The following RBM26 variants were observed in gnomAD, a reference collection of about 807,000 sequenced individuals.
RBM26 encodes RNA binding motif protein 26.
In RBM26, 30 loss-of-function variants were observed where a neutral mutation model predicts 123.6. The ratio of observed to expected loss-of-function variants is 0.24; its 90% CI spans 0.18 to 0.33. The LOEUF (loss-of-function observed/expected upper bound fraction) is 0.33. Among genes scored for constraint, RBM26 ranks in the 10% least tolerant of loss-of-function variants. The pLI is 1.00. For missense variants in RBM26, 947 were observed against 1,203.6 expected (o/e 0.79, Z 3.15); for synonymous variants, 400 against 404.4 (o/e 0.99, Z 0.13).
At chr13:79,398,971 A>T (rs966423536) in intron 1 of RBM26, among the ~76,000 whole-genome samples, 9 of 152,252 alleles carry the variant, frequency 5.9e-5, no homozygotes, top group African/African-American at 2.2e-4. Flanking sequence ...TATAATGAAC[A>T]GGAACATAGT....
intron 9 of RBM26, among the ~76,000 whole-genome samples, chr13:79,364,558 T>A (rs1420910374): frequency 1.3e-5 from 2 of 152,230 alleles, no homozygotes; most frequent in African/African-American, 4.8e-5. Flanking sequence ...TTTTCCATTA[T>A]GTCTGACAAT....
chr13:79,393,590 T>C (rs2078288455), intron 1 of RBM26, among the ~76,000 whole-genome samples: 1 of 152,192 alleles, frequency 6.6e-6, no homozygotes, highest in Non-Finnish European at 1.5e-5. Context: ...CACAGTACCA[T>C]CTTCGGCTGG....
rs375618341 is a variant in RBM26 at position 79,366,096 on chromosome 13, T to A, written c.1235A>T (p.His412Leu). 6.2e-7 allele frequency: 1 copy of A among 1,613,942 alleles called. No homozygotes were observed. The highest frequency in any genetic ancestry group is 8.5e-7 in the Non-Finnish European group (1 of 1,179,958). ...SVPTVVTTGI[H>L]HQPPPAPPSL... is the part of the protein sequence containing the mutation. ...GGGTGGAGCAGGAGGAGGCTGGTGATGAATGCCAGTTGTTACTACAGTAGG... is the reference window on the plus strand; with the variant it reads ...GGGTGGAGCAGGAGGAGGCTGGTGAAGAATGCCAGTTGTTACTACAGTAGG... The change falls in exon 8 of 22, where the codon CAT becomes CTT. Residue 412 changes from histidine to leucine, a missense_variant. His to Leu is a moderately conservative substitution (Grantham distance 99, BLOSUM62 -3). Coordinates refer to ENST00000438737, the MANE Select transcript of RBM26 (RefSeq NM_001366735.2).
rs1423248638 is a variant in RBM26, at chr13:79,344,804, C to A, written c.2059-10G>T. On this transcript the variant is annotated splice_polypyrimidine_tract_variant and intron_variant, in intron 14 of 21. Transcript: ENST00000438737. ...TAGATGTAGACAACACCTACCAATA[C>A]AAATTCAACTTTTAAAAATATATAT... 2.5e-6 allele frequency: 4 copies of A among 1,606,682 alleles called. No individual in the cohort carries two copies. Among genetic ancestry groups the A allele is most frequent in the South Asian group, 1.1e-5 (1 of 88,858 alleles).
Position 79,319,358 on chromosome 13 carries a change from A to AC in RBM26, c.*1262dup, listed in dbSNP as rs2067435588. On this transcript the variant is annotated 3_prime_UTR_variant, in exon 22 of 22. Coordinates refer to ENST00000438737, the MANE Select transcript of RBM26 (RefSeq NM_001366735.2). The stretch of plus-strand genomic sequence containing the variant: ...TGAAAATATAAATATGTAATCTCCC[A>AC]CCCCCATTCTACAAAGAATGCATTT... 1 of 983,528 alleles carries AC rather than the reference A, an allele frequency of 1.0e-6. No individual in the cohort carries two copies. Among genetic ancestry groups the AC allele is most frequent in the Admixed American group, 6.2e-5 (1 of 16,098 alleles). The allele number at this position is 983,528 out of a possible 1,614,324, so 60.9% of individuals were successfully genotyped here.
intron 20 of RBM26, among the ~76,000 whole-genome samples, chr13:79,324,612 C>T (rs1232803310): frequency 6.6e-6 from 1 of 151,656 alleles, no homozygotes; most frequent in Non-Finnish European, 1.5e-5. Flanking sequence ...TTGTCATCAA[C>T]AAGTTTTAAA....
intron 9 of RBM26, among the ~76,000 whole-genome samples, chr13:79,363,542 C>T (rs2074944220): frequency 6.6e-6 from 1 of 152,100 alleles, no homozygotes; most frequent in African/African-American, 2.4e-5. Context: ...AAAAATGGTA[C>T]ATGATGTATC....
At chr13:79,325,982 T>C (rs1304292032) in intron 20 of RBM26, among the ~76,000 whole-genome samples, 2 of 152,186 alleles carry the variant, frequency 1.3e-5, no homozygotes, top group African/African-American at 2.4e-5. Context: ...CAGTATTCAG[T>C]ATAGTTAACA....
At chr13:79,346,101 G>A (rs191539948) in intron 14 of RBM26, among the ~76,000 whole-genome samples, 5 of 152,266 alleles carry the variant, frequency 3.3e-5, no homozygotes, top group African/African-American at 1.2e-4. Flanking sequence ...AACTACTCAA[G>A]TTTAAGAGTA....
intron 20 of RBM26, among the ~76,000 whole-genome samples, chr13:79,331,524 C>G (rs1010014404): frequency 1.3e-5 from 2 of 149,700 alleles, no homozygotes; most frequent in African/African-American, 4.9e-5. Context: ...GTCCCAGCTA[C>G]TCGGGAGGCT....
At chr13:79,311,950 A>C (rs961646274) in exon 5 of RBM26, 3 of 151,690 alleles carry the variant, frequency 2.0e-5, no homozygotes, top group Non-Finnish European at 4.4e-5. Flanking sequence ...ATAAACATTT[A>C]ACACTATAAA....
In RBM26 at chr13:79,354,414, C is replaced by A. The variant is rs747308381; in HGVS notation, c.1986+25G>T. The A allele has an allele frequency of 3.0e-5, 44 of 1,480,608 alleles. 1 individual carries two copies. Among genetic ancestry groups the A allele is most frequent in the African/African-American group, 1.8e-4 (13 of 71,326 alleles). 91.7% of individuals were successfully genotyped at this position (1,480,608 alleles called of 1,614,324 possible). On this transcript the variant is annotated intron_variant, in intron 13 of 21. Coordinates refer to ENST00000438737, the MANE Select transcript of RBM26 (RefSeq NM_001366735.2). ...TAAATTACTGAGAACCTATTACGGG[C>A]ACAATCGTAAGACCTTTGCTTTACC...
chr13:79,325,908 G>C (rs1024736582), intron 20 of RBM26, among the ~76,000 whole-genome samples: 23 of 152,150 alleles, frequency 1.5e-4, no homozygotes, highest in Admixed American at 2.6e-4. Flanking sequence ...TATTTTTACT[G>C]TACCTTTTCT....
At chr13:79,378,764 A>G (rs2076852230) in intron 2 of RBM26, 25 bp downstream of exon 2, 3 of 1,349,064 alleles carry the variant, frequency 2.2e-6, no homozygotes, top group Non-Finnish European at 3.2e-6. Flanking sequence ...AAAATATAGT[A>G]GTATTTTTAA....
intron 9 of RBM26, among the ~76,000 whole-genome samples, chr13:79,363,873 TC>T (rs889708957): frequency 6.6e-6 from 1 of 152,106 alleles, no homozygotes; most frequent in Non-Finnish European, 1.5e-5. Flanking sequence ...TTAGTGGGAA[TC>T]CCCAGTAAAA....
intron 9 of RBM26, 106 bp downstream of exon 9, chr13:79,365,472 C>A: frequency 1.1e-6 from 1 of 879,540 alleles, no homozygotes; most frequent in Non-Finnish European, 1.8e-6. Context: ...AATAAATCAC[C>A]ATTCCTTATC....
chr13:79,392,793 C>CAAA (rs58872719), intron 1 of RBM26, among the ~76,000 whole-genome samples: 3 of 140,032 alleles, frequency 2.1e-5, no homozygotes, highest in Non-Finnish European at 1.5e-5. Flanking sequence ...TTGAGAAGAC[C>CAAA]AAAAAAAAAA....
intron 16 of RBM26, among the ~76,000 whole-genome samples, chr13:79,343,429 T>C (rs1374868391): frequency 6.6e-6 from 1 of 151,930 alleles, no homozygotes; most frequent in African/African-American, 2.4e-5. Context: ...GTTTTTGGTT[T>C]TGTAAAGTAT....
rs147432447 is a variant in RBM26, at chr13:79,338,950, A to G, written c.2533-1648T>C. Among the ~76,000 whole-genome samples, 53 of 152,340 alleles carry G rather than the reference A, an allele frequency of 3.5e-4. 1 individual carries two copies. Among genetic ancestry groups the G allele is most frequent in the African/African-American group, 1.2e-3 (51 of 41,574 alleles). On this transcript the variant is annotated intron_variant, in intron 18 of 21. Transcript: ENST00000438737. Reference sequence around the variant, plus strand: ...AGATTTCTGGTTTGTATAACTGTACAGATGGGGTGTAGGAGCAAGATAAGC... The same window carrying G: ...AGATTTCTGGTTTGTATAACTGTACGGATGGGGTGTAGGAGCAAGATAAGC...
Sources: allele counts gnomAD v4.1 joint callset (sites outside exome capture counted in the v4.1 genomes callset), GRCh38; gene constraint gnomAD v4.1.1; transcripts MANE v1.5; gene names NCBI Gene and HGNC (gene_info 2026-07-23, HGNC 2026-07-21).